The following RHPN2 variants were observed in gnomAD, a reference collection of about 807,000 sequenced individuals.
The protein encoded by RHPN2 is rhophilin Rho GTPase binding protein 2.
Under a neutral mutation model 79.0 loss-of-function variants are expected in RHPN2, and 40 were observed. That is an observed-to-expected ratio of 0.51 (90% CI 0.39 to 0.66). The LOEUF (loss-of-function observed/expected upper bound fraction) is 0.66, where lower values mean the gene tolerates loss of function less well. Among genes scored for constraint, RHPN2 ranks in the 30% least tolerant of loss-of-function variants. RHPN2 has a pLI of 0.00. For synonymous variants in RHPN2, 285 were observed against 363.5 expected, an observed-to-expected ratio of 0.78 and a Z score of 2.46; for missense variants, 686 against 883.5, an observed-to-expected ratio of 0.78 and a Z score of 2.83.
chr19:32,997,228 C>A (rs910672767), intron 10 of RHPN2, among the ~76,000 whole-genome samples: 3 of 152,204 alleles, frequency 2.0e-5, no homozygotes, highest in Non-Finnish European at 4.4e-5. Context: ...TATGTAATAA[C>A]CTCACTTGTG....
In RHPN2 at chr19:32,993,995, C is replaced by A. The variant is rs138451485; in HGVS notation, c.1479G>T (p.Thr493=). The change falls in exon 12 of 15, where the codon ACG becomes ACT. Residue 493 remains threonine (T), a synonymous_variant. Transcript: ENST00000254260. Reference sequence around the variant, plus strand: ...AACATACCAGCTTCTGGAAGAAGTCCGTGACTGTCAGCTTGGAGAACTGGG... The same window carrying A: ...AACATACCAGCTTCTGGAAGAAGTCAGTGACTGTCAGCTTGGAGAACTGGG... ...ILPQFSKLTV[T]DFFQKLGPLS... is the part of the protein sequence containing the mutation. The A allele has an allele frequency of 6.2e-7, 1 of 1,612,720 alleles. No individual in the cohort carries two copies. The highest frequency in any genetic ancestry group is 8.5e-7 in the Non-Finnish European group (1 of 1,178,946).
At chr19:32,992,046 G>A in intron 12 of RHPN2, 77 bp from the exon 13 acceptor site, 1 of 1,556,080 alleles carries the variant, frequency 6.4e-7, no homozygotes, top group Non-Finnish European at 8.8e-7. Context: ...AATTTTGCCT[G>A]CTGTCCTTGA....
chr19:32,996,976 G>A (rs1568311557), intron 10 of RHPN2, among the ~76,000 whole-genome samples: 1 of 152,160 alleles, frequency 6.6e-6, no homozygotes, highest in Non-Finnish European at 1.5e-5. Flanking sequence ...GCTTACCGCA[G>A]CCTCAAACTC....
intron 14 of RHPN2, among the ~76,000 whole-genome samples, chr19:32,986,665 C>G (rs915000307): frequency 6.6e-6 from 1 of 151,496 alleles, no homozygotes; most frequent in Non-Finnish European, 1.5e-5. Context: ...ATAGTGGTGC[C>G]CACCTATAAT....
chr19:33,032,016 CTTTTTT>C (rs34807523), intron 2 of RHPN2, among the ~76,000 whole-genome samples: 4 of 91,390 alleles, frequency 4.4e-5, no homozygotes, highest in Admixed American at 1.3e-4. Flanking sequence ...CCGGGCCGGT[CTTTTTT>C]TTTTTTTTTT....
At chr19:33,018,202 GC>G (rs1160583665) in intron 4 of RHPN2, among the ~76,000 whole-genome samples, 1 of 151,880 alleles carries the variant, frequency 6.6e-6, no homozygotes, top group Non-Finnish European at 1.5e-5. Context: ...AGTGGTGCAT[GC>G]CTGTAGTCCC....
chr19:33,036,681 G>A (rs933504923), intron 2 of RHPN2, among the ~76,000 whole-genome samples: 1 of 152,184 alleles, frequency 6.6e-6, no homozygotes, highest in Non-Finnish European at 1.5e-5. Context: ...CGGTGCTTGC[G>A]GGCTAGCGCG....
At chr19:33,031,890 A>T (rs139371623) in intron 2 of RHPN2, among the ~76,000 whole-genome samples, 10 of 149,514 alleles carry the variant, frequency 6.7e-5, no homozygotes, top group Non-Finnish European at 1.0e-4. Flanking sequence ...CGGCTAATTT[A>T]TTGGATTTTT....
chr19:33,050,463 A>G (rs185648011), intron 1 of RHPN2, among the ~76,000 whole-genome samples: 43 of 152,266 alleles, frequency 2.8e-4, no homozygotes, highest in Middle Eastern at 3.4e-3. Context: ...AAACATATAA[A>G]CCTGCGTAAC....
chr19:33,035,132 A>AT (rs1225153285), intron 2 of RHPN2, among the ~76,000 whole-genome samples: 3 of 151,382 alleles, frequency 2.0e-5, no homozygotes, highest in Non-Finnish European at 2.9e-5. Context: ...CACCCAGCTA[A>AT]TTTTTTGTAT....
intron 2 of RHPN2, among the ~76,000 whole-genome samples, chr19:33,037,457 A>G (rs1239199560): frequency 6.6e-6 from 1 of 152,196 alleles, no homozygotes; most frequent in Non-Finnish European, 1.5e-5. Flanking sequence ...CCCTTTCCAC[A>G]CTGTGGAAGC....
rs1443950653 is a variant in RHPN2 at position 33,002,259 on chromosome 19, T to A, written c.1093A>T (p.Ile365Phe). ...CCCCAGGCCTTACCCTGGTGGTCGA[T>A]GAGGAGGATGGCAGTGAAGTAGTGG... ...LAHYFTAILL[I>F]DHQVKPGTDL... The change falls in exon 9 of 15, where the codon ATC becomes TTC. Residue 365 changes from isoleucine to phenylalanine, a missense_variant. Ile to Phe is a conservative substitution (Grantham distance 21). Coordinates refer to ENST00000254260, the MANE Select transcript of RHPN2 (RefSeq NM_033103.5). The A allele has an allele frequency of 1.9e-6, 3 of 1,613,030 alleles. No homozygotes were observed. Among genetic ancestry groups the A allele is most frequent in the African/African-American group, 2.7e-5 (2 of 74,998 alleles).
chr19:32,990,308 C>G (rs1458019195), intron 14 of RHPN2: 1 of 632,626 alleles, frequency 1.6e-6, no homozygotes, highest in Non-Finnish European at 2.8e-6. Context: ...TAGGGCAAGA[C>G]GCTGTCTTTA....
At chr19:33,000,534 G>GC (rs1305459422) in intron 9 of RHPN2, among the ~76,000 whole-genome samples, 1 of 151,882 alleles carries the variant, frequency 6.6e-6, no homozygotes, top group Non-Finnish European at 1.5e-5. Context: ...TTGACCCTGA[G>GC]CCCCCACACG....
At chr19:33,022,136 G>T (rs1013549570) in intron 3 of RHPN2, among the ~76,000 whole-genome samples, 18 of 152,008 alleles carry the variant, frequency 1.2e-4, no homozygotes, top group Non-Finnish European at 2.2e-4. Flanking sequence ...GTAGCAATGG[G>T]GTTTCGCCAT....
At position 32,990,568 on chromosome 19, in the gene RHPN2, G is replaced by T. The variant is rs112834379; in HGVS notation, c.1746C>A (p.Gly582=). Residue 582 remains glycine, a synonymous_variant, in exon 14 of 15, where the codon GGC becomes GGA. Coordinates refer to ENST00000254260, the MANE Select transcript of RHPN2 (RefSeq NM_033103.5). ...SEVMKLLKSF[G]EDEIEMKVVS... ...CGACTTTCATCTCGATCTCGTCCTCGCCAAAGCTCTTCAGCAGCTTCATAA... is the reference window on the plus strand; with the variant it reads ...CGACTTTCATCTCGATCTCGTCCTCTCCAAAGCTCTTCAGCAGCTTCATAA... The T allele has an allele frequency of 6.2e-6, 10 of 1,612,880 alleles. 1 individual carries two copies. In the South Asian group the frequency reaches 9.9e-5, roughly 16 times the overall value.
At chr19:33,058,239 T>C (rs147171310) in intron 1 of RHPN2, among the ~76,000 whole-genome samples, 125 of 152,336 alleles carry the variant, frequency 8.2e-4, no homozygotes, top group Non-Finnish European at 1.5e-3. Flanking sequence ...TTCCCAGCAC[T>C]GCTCAGCACT....
At chr19:33,025,615 G>T (rs1971959504) in intron 3 of RHPN2, among the ~76,000 whole-genome samples, 1 of 152,252 alleles carries the variant, frequency 6.6e-6, no homozygotes, top group Admixed American at 6.5e-5. Flanking sequence ...CAGAATCTCT[G>T]TGTGTGCATA....
intron 10 of RHPN2, among the ~76,000 whole-genome samples, chr19:32,997,514 G>C (rs1160456691): frequency 1.3e-5 from 2 of 151,264 alleles, no homozygotes; most frequent in African/African-American, 4.9e-5. Flanking sequence ...TCTTGAGACG[G>C]AGTCTTGCTC....
Sources: allele counts gnomAD v4.1 joint callset (sites outside exome capture counted in the v4.1 genomes callset), GRCh38; gene constraint gnomAD v4.1.1; transcripts MANE v1.5; gene names NCBI Gene and HGNC (gene_info 2026-07-23, HGNC 2026-07-21).